COL21A1: variants seen among roughly 807,000 people sequenced by gnomAD.
The protein encoded by COL21A1 is collagen alpha-1(XXI) chain.
In COL21A1, 149 loss-of-function variants were observed where a neutral mutation model predicts 137.9. That is an observed-to-expected ratio of 1.08 (90% CI 0.95 to 1.24). The LOEUF (loss-of-function observed/expected upper bound fraction) is 1.24, where lower values mean the gene tolerates loss of function less well. Among genes scored for constraint, COL21A1 ranks in the 50% most tolerant of loss-of-function variants. The probability of loss-of-function intolerance (pLI) is 0.00; values close to 1 mark genes in which losing one functional copy is unlikely to be tolerated. For missense variants in COL21A1, 1,167 were observed against 1,158.4 expected, an observed-to-expected ratio of 1.01 and a Z score of -0.11; for synonymous variants, 456 against 391.5, an observed-to-expected ratio of 1.16 and a Z score of -1.95.
At chr6:56,304,706 G>C (rs1457604863) in intron 1 of COL21A1, among the ~76,000 whole-genome samples, 2 of 151,990 alleles carry the variant, frequency 1.3e-5, no homozygotes, top group Non-Finnish European at 2.9e-5. Flanking sequence ...TTGATTTTTT[G>C]AAGGGTTTTT....
chr6:56,149,989 G>T (rs1319153007), intron 10 of COL21A1, among the ~76,000 whole-genome samples: 1 of 152,130 alleles, frequency 6.6e-6, no homozygotes, highest in Non-Finnish European at 1.5e-5. Context: ...CATAACAATG[G>T]TCTAAAGAAC....
chr6:56,124,397 A>C, intron 14 of COL21A1, 105 bp from the exon 15 acceptor site: 1 of 1,073,928 alleles, frequency 9.3e-7, no homozygotes, highest in Non-Finnish European at 1.4e-6. Context: ...ATTATGTAGT[A>C]AAAACTCATG....
intron 1 of COL21A1, among the ~76,000 whole-genome samples, chr6:56,244,480 A>C (rs1782533266): frequency 6.6e-6 from 1 of 152,292 alleles, no homozygotes; most frequent in Non-Finnish European, 1.5e-5. Flanking sequence ...CTCTTTCCAC[A>C]GTGAGTCAAA....
chr6:56,128,531 C>T (rs1773233636), intron 12 of COL21A1, among the ~76,000 whole-genome samples: 1 of 152,114 alleles, frequency 6.6e-6, no homozygotes, highest in African/African-American at 2.4e-5. Flanking sequence ...CAGTAGACTT[C>T]CCATACAAGG....
chr6:56,078,395 T>G (rs1297586457), intron 17 of COL21A1, among the ~76,000 whole-genome samples: 1 of 151,596 alleles, frequency 6.6e-6, no homozygotes, highest in Admixed American at 6.6e-5. Flanking sequence ...ACATTTGAGC[T>G]GAAACAGTTA....
At chr6:56,072,505 A>T (rs1344788603) in intron 20 of COL21A1, among the ~76,000 whole-genome samples, 1 of 151,526 alleles carries the variant, frequency 6.6e-6, no homozygotes, top group Non-Finnish European at 1.5e-5. Context: ...TCTATCAGTG[A>T]TATTGACAGC....
chr6:56,099,456 T>C (rs1770240570), intron 17 of COL21A1, among the ~76,000 whole-genome samples: 1 of 151,794 alleles, frequency 6.6e-6, no homozygotes, highest in Non-Finnish European at 1.5e-5. Context: ...CAGGATGGTC[T>C]CGATCTCCTG....
rs1561920256 is a variant in COL21A1 at position 56,150,554 on chromosome 6, AC to A, written c.1434+6332del. Among the ~76,000 whole-genome samples, 1,343 of 151,216 alleles carry A rather than the reference AC, an allele frequency of 8.9e-3. 47 individuals are homozygous for A. Among genetic ancestry groups the A allele is most frequent in the African/African-American group, 0.031 (1,283 of 41,210 alleles). ...CACACACACACACACACACACACAC[AC>A]ACACACACACAAGAGTGGGGGGAAC... On this transcript the variant is annotated intron_variant, in intron 10 of 29. Transcript: ENST00000244728.
intron 17 of COL21A1, among the ~76,000 whole-genome samples, chr6:56,084,917 T>A (rs1768098619): frequency 6.6e-6 from 1 of 152,080 alleles, no homozygotes; most frequent in Non-Finnish European, 1.5e-5. Context: ...TTTGCTAAGT[T>A]TTCATGCCTT....
chr6:56,338,978 A>T (rs1765401444), intron 1 of COL21A1, among the ~76,000 whole-genome samples: 1 of 152,208 alleles, frequency 6.6e-6, no homozygotes, highest in South Asian at 2.1e-4. Flanking sequence ...TCTTTATAAA[A>T]GGGAGTATTT....
At chr6:56,322,237 G>C (rs562915803) in intron 1 of COL21A1, among the ~76,000 whole-genome samples, 3 of 152,172 alleles carry the variant, frequency 2.0e-5, no homozygotes, top group South Asian at 2.1e-4. Flanking sequence ...AGCCAGCATT[G>C]GTCAAGAGAA....
At chr6:56,271,609 T>C (rs1334152573) in intron 1 of COL21A1, among the ~76,000 whole-genome samples, 2 of 152,124 alleles carry the variant, frequency 1.3e-5, no homozygotes, top group Non-Finnish European at 2.9e-5. Flanking sequence ...GTGCTGAATA[T>C]TAAGAGTCAA....
intron 1 of COL21A1, among the ~76,000 whole-genome samples, chr6:56,389,981 T>G (rs1387339807): frequency 6.6e-6 from 1 of 152,134 alleles, no homozygotes; most frequent in Non-Finnish European, 1.5e-5. Context: ...CAATAAATCA[T>G]CTGTAGGTAT....
intron 16 of COL21A1, among the ~76,000 whole-genome samples, chr6:56,112,735 A>G (rs1014626556): frequency 7.6e-6 from 1 of 130,850 alleles, no homozygotes; most frequent in Non-Finnish European, 1.5e-5. Context: ...GCCAGGCTGG[A>G]GTGCAATGGC....
At chr6:56,227,883 A>G (rs1202702002) in intron 1 of COL21A1, among the ~76,000 whole-genome samples, 1 of 152,050 alleles carries the variant, frequency 6.6e-6, no homozygotes, top group African/African-American at 2.4e-5. Context: ...CTGAGAGGAA[A>G]TGGGTACATT....
intron 1 of COL21A1, among the ~76,000 whole-genome samples, chr6:56,306,322 G>T (rs1427937314): frequency 6.6e-6 from 1 of 150,966 alleles, no homozygotes; most frequent in Non-Finnish European, 1.5e-5. Flanking sequence ...ATCCTGCAGA[G>T]TGTTTTCCAA....
upstream of COL21A1, among the ~76,000 whole-genome samples, chr6:56,249,553 A>C (rs1199416051): frequency 6.6e-6 from 1 of 152,240 alleles, no homozygotes; most frequent in Non-Finnish European, 1.5e-5. Flanking sequence ...GAAACACTAC[A>C]TGCTAAATCA....
At chr6:56,308,369 A>G (rs1037870218) in intron 1 of COL21A1, among the ~76,000 whole-genome samples, 3 of 152,236 alleles carry the variant, frequency 2.0e-5, no homozygotes, top group Non-Finnish European at 4.4e-5. Context: ...ATCAATTTCT[A>G]TCATTTATAA....
At chr6:56,182,783 A>C in intron 1 of COL21A1, 127 bp from the exon 2 acceptor site, 1 of 566,924 alleles carries the variant, frequency 1.8e-6, no homozygotes, top group East Asian at 2.8e-5. Context: ...AATTAACTTA[A>C]ATCTGTTTAA....
Sources: gnomAD v4.1 joint callset for allele counts (sites outside exome capture counted in the v4.1 genomes callset) on GRCh38, gnomAD v4.1.1 for gene constraint, MANE v1.5 for transcripts, NCBI Gene and HGNC (gene_info 2026-07-23, HGNC 2026-07-21) for gene names.